ZBTB1: variants seen among roughly 807,000 people sequenced by gnomAD.
ZBTB1 encodes the protein zinc finger and BTB domain-containing protein 1.
Under a neutral mutation model 51.6 loss-of-function variants are expected in ZBTB1, and 13 were observed. That is an observed-to-expected ratio of 0.25 (90% CI 0.16 to 0.40). ZBTB1 has a LOEUF of 0.40. Ranked by LOEUF, ZBTB1 falls within the 10% of genes least tolerant of loss-of-function variation. The pLI, the probability that ZBTB1 is intolerant of heterozygous loss-of-function variation, is 1.00. For synonymous variants in ZBTB1, 240 were observed against 282.2 expected (o/e 0.85, Z 1.50); for missense variants, 567 against 856.5 (o/e 0.66, Z 4.22).
At position 64,504,941 on chromosome 14, in the gene ZBTB1, C is replaced by G. The variant is rs1004950676; in HGVS notation, c.-24C>G. The G allele has an allele frequency of 2.5e-6, 1 of 395,504 alleles. No homozygotes were observed. The allele number at this position is 395,504 out of a possible 1,614,324, so 24.5% of individuals were successfully genotyped here. A position where few individuals can be genotyped will look rare whatever the true frequency, so the allele number is the denominator to read the frequency against. ...ATCTCCGCAGCTCTGGTTCCTGTTG[C>G]GGCCGGTAAGTATTTGCCAGTTGTG... On this transcript the variant is annotated 5_prime_UTR_variant, in exon 1 of 2. Coordinates refer to ENST00000683701, the MANE Select transcript of ZBTB1 (RefSeq NM_001123329.2).
At chr14:64,531,439 T>TA (rs2079941320) in intron 2 of ZBTB1, among the ~76,000 whole-genome samples, 1 of 152,112 alleles carries the variant, frequency 6.6e-6, no homozygotes, top group South Asian at 2.1e-4. Context: ...CTGAAGACAG[T>TA]AAAAAGAATA....
At chr14:64,525,245 AG>A (rs1371585460), downstream of ZBTB1, among the ~76,000 whole-genome samples, 5 of 152,208 alleles carry the variant, frequency 3.3e-5, no homozygotes, top group Non-Finnish European at 5.9e-5. Flanking sequence ...AAGTAAGGAT[AG>A]GAACAGCACA....
chr14:64,517,781 A>ATATATATATATTTTTTTTTTTTT (rs1160337478), intron 1 of ZBTB1, among the ~76,000 whole-genome samples: 1 of 41,550 alleles, frequency 2.4e-5, no homozygotes, highest in Non-Finnish European at 4.6e-5. Context: ...ATATATATAT[A>ATATATATATATTTTTTTTTTTTT]TTTTTTTTTT....
At chr14:64,504,969 G>T (rs1384439615) in intron 1 of ZBTB1, 23 bp downstream of exon 1, 3 of 394,432 alleles carry the variant, frequency 7.6e-6, no homozygotes, top group Non-Finnish European at 9.0e-6. Context: ...CAGTTGTGGG[G>T]CTATTTGCGC....
chr14:64,516,541 T>C (rs192089240), intron 1 of ZBTB1: 186 of 152,368 alleles, frequency 1.2e-3, no homozygotes, highest in African/African-American at 4.3e-3. Context: ...TAAACATGGA[T>C]GCAGTGGGAT....
In ZBTB1 at chr14:64,524,163, T is replaced by C. The variant is rs1475477562; in HGVS notation, c.*517T>C. ...CATATTCTTAAATTGACAAGCTTAT[T>C]AGGCAAGTTAGGTGCACTGAATCTA... On this transcript the variant is annotated 3_prime_UTR_variant, in exon 2 of 2. Transcript: ENST00000683701. 3 of 985,192 alleles carry C rather than the reference T, an allele frequency of 3.0e-6. No individual in the cohort carries two copies. In the Admixed American group the frequency reaches 1.8e-4, roughly 61 times the overall value. 61.0% of individuals were successfully genotyped at this position (985,192 alleles called of 1,614,324 possible).
intron 2 of ZBTB1, chr14:64,531,715 T>C: frequency 2.5e-6 from 2 of 810,496 alleles, no homozygotes; most frequent in Non-Finnish European, 4.0e-6. Flanking sequence ...GGGGCTATGC[T>C]TGTGTTTCTA....
intron 1 of ZBTB1, chr14:64,514,011 C>A (rs2079754026): frequency 6.6e-6 from 1 of 152,092 alleles, no homozygotes; most frequent in South Asian, 2.1e-4. Flanking sequence ...AAATTTAATC[C>A]CTCATATACA....
Position 64,531,711 on chromosome 14 carries a change from A to C in ZBTB1, c.1899-150A>C. On this transcript the variant is annotated intron_variant, in intron 2 of 2. Transcript: ENST00000358738. Reference sequence around the variant, plus strand: ...TAATTAAATTTAAATTCTAGGGGCTATGCTTGTGTTTCTATTCTCTGTTCT... The same window carrying C: ...TAATTAAATTTAAATTCTAGGGGCTCTGCTTGTGTTTCTATTCTCTGTTCT... The C allele has an allele frequency of 6.5e-6, 5 of 773,438 alleles. 1 individual carries two copies. In the South Asian group the frequency reaches 6.9e-5, roughly 11 times the overall value. 47.9% of individuals were successfully genotyped at this position (773,438 alleles called of 1,614,324 possible).
chr14:64,517,770 TATATATATA>T (rs2079803395), intron 1 of ZBTB1, among the ~76,000 whole-genome samples: 3 of 73,456 alleles, frequency 4.1e-5, no homozygotes, highest in African/African-American at 1.8e-4. Flanking sequence ...TATATATATA[TATATATATA>T]TATTTTTTTT....
At chr14:64,503,959 C>G (rs2079588974), upstream of ZBTB1, 1 of 152,128 alleles carries the variant, frequency 6.6e-6, no homozygotes, top group African/African-American at 2.4e-5. Context: ...CCACAGTTCG[C>G]AGTTGTGACT....
chr14:64,513,097 T>C (rs1015026076), intron 1 of ZBTB1, among the ~76,000 whole-genome samples: 1 of 152,162 alleles, frequency 6.6e-6, no homozygotes, highest in Non-Finnish European at 1.5e-5. Flanking sequence ...ATGATACTTA[T>C]ATATGCATAC....
intron 1 of ZBTB1, among the ~76,000 whole-genome samples, chr14:64,517,304 C>G (rs922946833): frequency 5.3e-5 from 8 of 152,106 alleles, no homozygotes; most frequent in Non-Finnish European, 1.0e-4. Flanking sequence ...CCAAAAGTGG[C>G]AAAGCTAGAT....
intron 1 of ZBTB1, among the ~76,000 whole-genome samples, chr14:64,515,909 C>G (rs1376445820): frequency 6.6e-6 from 1 of 152,200 alleles, no homozygotes; most frequent in African/African-American, 2.4e-5. Flanking sequence ...GCATACTCCT[C>G]TACCTGTTTT....
At chr14:64,517,853 G>A (rs570167895) in intron 1 of ZBTB1, among the ~76,000 whole-genome samples, 43 of 133,540 alleles carry the variant, frequency 3.2e-4, no homozygotes, top group Admixed American at 9.3e-4. Context: ...GCATGATCTC[G>A]ACTCACTGCA....
At chr14:64,530,008 G>A (rs1271921689) in intron 2 of ZBTB1, among the ~76,000 whole-genome samples, 1 of 152,114 alleles carries the variant, frequency 6.6e-6, no homozygotes, top group Admixed American at 6.5e-5. Flanking sequence ...ATAATTTCAG[G>A]AAATGACACA....
At chr14:64,509,076 ACTT>A (rs2079695722) in intron 1 of ZBTB1, among the ~76,000 whole-genome samples, 1 of 152,144 alleles carries the variant, frequency 6.6e-6, no homozygotes, top group Non-Finnish European at 1.5e-5. Flanking sequence ...ATCAGAAAAA[ACTT>A]CCCAAAGAGG....
At chr14:64,519,731 T>TC (rs1438092877) in intron 1 of ZBTB1, among the ~76,000 whole-genome samples, 19 of 150,392 alleles carry the variant, frequency 1.3e-4, no homozygotes, top group Non-Finnish European at 1.9e-4. Context: ...TTAGCTATGA[T>TC]CATGCCACTG....
In ZBTB1 at chr14:64,519,929, A is replaced by G. The variant is rs550269988; in HGVS notation, c.-18-1558A>G. 3.3e-5 allele frequency among the ~76,000 whole-genome samples: 5 copies of G among 152,358 alleles called. No homozygotes were observed. The South Asian group carries it at 1.0e-3, about 32-fold the overall frequency. On this transcript the variant is annotated intron_variant, in intron 1 of 1. Coordinates refer to ENST00000683701, the MANE Select transcript of ZBTB1 (RefSeq NM_001123329.2). ...GAATTATTGCTTCTTTGATAATTCA[A>G]GAAAAGACAAAGGCACTGATCAAAC... is the stretch of plus-strand genomic sequence containing the variant.
Sources: allele counts gnomAD v4.1 joint callset (sites outside exome capture counted in the v4.1 genomes callset), GRCh38; gene constraint gnomAD v4.1.1; transcripts MANE v1.5; gene names NCBI Gene and HGNC (gene_info 2026-07-23, HGNC 2026-07-21).